PCDH15: variants seen among roughly 807,000 people sequenced by gnomAD.
PCDH15 encodes protocadherin related 15, also known as protocadherin-15.
PCDH15 carries 129 observed loss-of-function variants against 178.5 expected under a neutral mutation model. The observed-to-expected ratio is 0.72, with a 90% CI of 0.63 to 0.84. The LOEUF is 0.84. PCDH15 is among the 40% of genes least tolerant of loss of function. PCDH15 has a pLI of 0.00. For synonymous variants in PCDH15, 800 were observed against 732.0 expected, an observed-to-expected ratio of 1.09 and a Z score of -1.50; for missense variants, 2,230 against 2,099.9, an observed-to-expected ratio of 1.06 and a Z score of -1.21.
chr10:54,265,870 G>A (rs994409389), intron 8 of PCDH15, among the ~76,000 whole-genome samples: 2 of 151,854 alleles, frequency 1.3e-5, no homozygotes, highest in African/African-American at 2.4e-5. Flanking sequence ...TAGATTTATC[G>A]AGGCAGAAAT....
At chr10:54,383,030 G>A (rs1949426218) in intron 3 of PCDH15, among the ~76,000 whole-genome samples, 1 of 152,188 alleles carries the variant, frequency 6.6e-6, no homozygotes, top group Non-Finnish European at 1.5e-5. Context: ...CAATAAAAAT[G>A]AATGTAAGTG....
At chr10:53,853,990 T>A (rs2078563954) in intron 28 of PCDH15, among the ~76,000 whole-genome samples, 2 of 151,954 alleles carry the variant, frequency 1.3e-5, no homozygotes, top group East Asian at 3.9e-4. Flanking sequence ...ATTCACAATA[T>A]CCAAGAGGGG....
chr10:54,356,618 T>TTA lies in PCDH15; in HGVS notation c.475-10136_475-10135dup, dbSNP rs1945022172. The stretch of plus-strand genomic sequence containing the variant: ...CAAAAATCTACCTCTATGTGACTAT[T>TTA]TATCAATTAGTAAGAGGAAAGAAAT... On this transcript the variant is annotated intron_variant, in intron 5 of 37. Coordinates refer to ENST00000644397, the MANE Select transcript of PCDH15 (RefSeq NM_001384140.1). 2.6e-5 allele frequency among the ~76,000 whole-genome samples: 4 copies of TTA among 152,056 alleles called. No individual in the cohort carries two copies. In the South Asian group the frequency reaches 8.3e-4, roughly 32 times the overall value.
chr10:54,113,685 C>T (rs1431339125), intron 15 of PCDH15, among the ~76,000 whole-genome samples: 1 of 151,378 alleles, frequency 6.6e-6, no homozygotes, highest in Non-Finnish European at 1.5e-5. Context: ...GAAAGAATAG[C>T]AATCATTATT....
intron 2 of PCDH15, among the ~76,000 whole-genome samples, chr10:55,579,088 A>C (rs1842554265): frequency 6.6e-6 from 1 of 152,224 alleles, no homozygotes; most frequent in South Asian, 2.1e-4. Flanking sequence ...TTTTGGAACA[A>C]AAGAGAATTG....
At chr10:54,077,097 A>G (rs1276622375) in intron 17 of PCDH15, among the ~76,000 whole-genome samples, 1 of 152,164 alleles carries the variant, frequency 6.6e-6, no homozygotes, top group Non-Finnish European at 1.5e-5. Context: ...AAAATTATAT[A>G]AATGATGGAA....
At chr10:54,210,036 G>A (rs1035585876) in intron 10 of PCDH15, among the ~76,000 whole-genome samples, 1 of 152,032 alleles carries the variant, frequency 6.6e-6, no homozygotes, top group African/African-American at 2.4e-5. Flanking sequence ...TAAGAATCAA[G>A]CTCACTAGTT....
At chr10:54,727,695 G>A (rs1261178554) in intron 1 of PCDH15, among the ~76,000 whole-genome samples, 1 of 151,282 alleles carries the variant, frequency 6.6e-6, no homozygotes, top group African/African-American at 2.4e-5. Context: ...CTGGTAGCTA[G>A]ACTAGAAAAC....
chr10:54,597,875 G>C (rs2092319199), intron 2 of PCDH15, among the ~76,000 whole-genome samples: 1 of 152,012 alleles, frequency 6.6e-6, no homozygotes. Flanking sequence ...ACACAAACTA[G>C]AAAATCTAGA....
At chr10:54,440,693 C>T (rs1387551809) in intron 3 of PCDH15, among the ~76,000 whole-genome samples, 1 of 151,886 alleles carries the variant, frequency 6.6e-6, no homozygotes, top group Non-Finnish European at 1.5e-5. Flanking sequence ...TTTATGATAA[C>T]TGCTCAATAT....
chr10:55,274,558 T>C (rs1008046212), intron 1 of PCDH15, among the ~76,000 whole-genome samples: 6 of 152,134 alleles, frequency 3.9e-5, no homozygotes, highest in Admixed American at 3.3e-4. Flanking sequence ...GGAAGCTGTT[T>C]ACTCTTCTCT....
rs190735235 is a variant in PCDH15, at chr10:54,651,370, A to G, written c.91+12802T>C. On this transcript the variant is annotated intron_variant, in intron 2 of 37. Coordinates refer to ENST00000644397, the MANE Select transcript of PCDH15 (RefSeq NM_001384140.1). Reference sequence around the variant, plus strand: ...CCAAGAAAGCTTAGATGTGGACACAATCCAGTAGATAGTGGAAGAAATGTT... The same window carrying G: ...CCAAGAAAGCTTAGATGTGGACACAGTCCAGTAGATAGTGGAAGAAATGTT... Among the ~76,000 whole-genome samples the G allele has an allele frequency of 1.1e-3, 163 of 152,334 alleles. 1 individual carries two copies. The highest frequency in any genetic ancestry group is 1.4e-3 in the Non-Finnish European group (98 of 68,026).
chr10:55,287,242 A>G (rs1469101719), intron 1 of PCDH15, among the ~76,000 whole-genome samples: 1 of 152,044 alleles, frequency 6.6e-6, no homozygotes, highest in African/African-American at 2.4e-5. Context: ...AGTTTGCTTA[A>G]AGGTCAGCCA....
chr10:54,429,230 G>T (rs147045815), intron 3 of PCDH15, among the ~76,000 whole-genome samples: 33 of 152,080 alleles, frequency 2.2e-4, no homozygotes, highest in Non-Finnish European at 4.4e-4. Flanking sequence ...TTTGGTGTTT[G>T]TTTGTTTATG....
intron 2 of PCDH15, among the ~76,000 whole-genome samples, chr10:55,492,221 A>AAAAAAAG (rs1840433962): frequency 6.6e-6 from 1 of 151,744 alleles, no homozygotes; most frequent in Non-Finnish European, 1.5e-5. Flanking sequence ...CATACAGCAA[A>AAAAAAAG]AAAAAAGAAA....
intron 21 of PCDH15, among the ~76,000 whole-genome samples, chr10:53,969,316 T>C (rs2089409144): frequency 6.6e-6 from 1 of 151,956 alleles, no homozygotes; most frequent in South Asian, 2.1e-4. Flanking sequence ...GAAAAAAGAA[T>C]AAAAAGAAAT....
intron 2 of PCDH15, among the ~76,000 whole-genome samples, chr10:54,552,102 CCTG>C (rs1421808999): frequency 1.3e-5 from 2 of 152,006 alleles, no homozygotes; most frequent in South Asian, 2.1e-4. Context: ...CTCCATGTTC[CCTG>C]CTATGTTTAT....
At chr10:55,316,821 C>A (rs773540464) in intron 1 of PCDH15, among the ~76,000 whole-genome samples, 1 of 152,086 alleles carries the variant, frequency 6.6e-6, no homozygotes, top group Non-Finnish European at 1.5e-5. Context: ...AATTTCTTAA[C>A]ACAGTGCCTA....
At chr10:54,532,918 A>C (rs2084080852) in intron 2 of PCDH15, among the ~76,000 whole-genome samples, 1 of 152,104 alleles carries the variant, frequency 6.6e-6, no homozygotes, top group African/African-American at 2.4e-5. Context: ...ACATGGTACC[A>C]GTGTGAGTGA....
Sources: gnomAD v4.1 joint callset for allele counts (sites outside exome capture counted in the v4.1 genomes callset) on GRCh38, gnomAD v4.1.1 for gene constraint, MANE v1.5 for transcripts, NCBI Gene and HGNC (gene_info 2026-07-23, HGNC 2026-07-21) for gene names.